Variants in TMIGD2 observed in about 807,000 individuals in gnomAD.
TMIGD2 encodes the protein transmembrane and immunoglobulin domain-containing protein 2.
Under a neutral mutation model 22.6 loss-of-function variants are expected in TMIGD2, and 18 were observed. The ratio of observed to expected loss-of-function variants is 0.80; its 90% CI spans 0.55 to 1.18. The LOEUF (loss-of-function observed/expected upper bound fraction) is 1.18. Ranked by LOEUF, TMIGD2 falls within the 50% of genes most tolerant of loss-of-function variation. The pLI is 0.00. For synonymous variants in TMIGD2, 184 were observed against 154.1 expected, an observed-to-expected ratio of 1.19 and a Z score of -1.44; for missense variants, 361 against 378.2, an observed-to-expected ratio of 0.95 and a Z score of 0.38.
In TMIGD2 at chr19:4,292,643, G is replaced by A; in HGVS notation, c.805C>T (p.Gln269Ter). 1 of 1,612,706 alleles carries A rather than the reference G, an allele frequency of 6.2e-7. No homozygotes were observed. Among genetic ancestry groups the A allele is most frequent in the Non-Finnish European group, 8.5e-7 (1 of 1,179,678 alleles). The change falls in exon 5 of 5, where the codon CAG becomes TAG. Residue 269 changes from glutamine to a stop codon, truncating the protein, a stop_gained. Coordinates refer to ENST00000301272, the Ensembl canonical transcript of TMIGD2. LOFTEE classifies it low-confidence loss of function (END_TRUNC). The stretch of plus-strand genomic sequence containing the variant: ...GGGAACCCTTTTGGCCTCGGCTGCT[G>A]GGTGGGGCTTGGTCTAGGAGAGACC...
exon 2 of TMIGD2, chr19:4,298,037 G>C: frequency 6.2e-7 from 1 of 1,612,442 alleles, no homozygotes; most frequent in Non-Finnish European, 8.5e-7. Context: ...TCCAACTCAG[G>C]AATCTCTACG....
chr19:4,297,589 G>A (rs1299184533), intron 2 of TMIGD2, among the ~76,000 whole-genome samples: 2 of 152,164 alleles, frequency 1.3e-5, no homozygotes, highest in African/African-American at 4.8e-5. Flanking sequence ...GGGCATGGTG[G>A]CTCAGGCCTG....
chr19:4,296,827 G>C (rs147406329), intron 2 of TMIGD2, among the ~76,000 whole-genome samples: 2 of 152,198 alleles, frequency 1.3e-5, no homozygotes, highest in East Asian at 1.9e-4. Flanking sequence ...GGGCCCACAG[G>C]CACCTCTCAC....
At chr19:4,294,709 T>A in intron 3 of TMIGD2, 29 bp from the exon 4 acceptor site, 2 of 1,572,680 alleles carry the variant, frequency 1.3e-6, no homozygotes, top group South Asian at 2.4e-5. Flanking sequence ...GATGGTCTAA[T>A]CAGGAGGGGA....
At chr19:4,300,648 G>T (rs1162465172) in intron 1 of TMIGD2, among the ~76,000 whole-genome samples, 1 of 152,238 alleles carries the variant, frequency 6.6e-6, no homozygotes, top group Non-Finnish European at 1.5e-5. Context: ...ATGCCACTGT[G>T]CTCAGCCTGA....
rs534272734 is a variant in TMIGD2 at position 4,293,033 on chromosome 19, G to A, written c.563-148C>T. On this transcript the variant is annotated intron_variant, in intron 4 of 4. Transcript: ENST00000301272. ...GGCTGGAGTGCAGTGGCGCAATCTC[G>A]GCTCACTGCAAGCTTCGCCTCCTGG... 4.6e-3 allele frequency: 5,624 copies of A among 1,221,436 alleles called. 17 individuals carry two copies. Among genetic ancestry groups the A allele is most frequent in the Middle Eastern group, 6.1e-3 (28 of 4,572 alleles). 75.7% of individuals were successfully genotyped at this position (1,221,436 alleles called of 1,614,324 possible). A position where few individuals can be genotyped will look rare whatever the true frequency, so the allele number is the denominator to read the frequency against.
intron 4 of TMIGD2, among the ~76,000 whole-genome samples, chr19:4,293,502 C>T (rs1318035757): frequency 2.6e-5 from 4 of 151,362 alleles, no homozygotes; most frequent in African/African-American, 4.9e-5. Context: ...CCTCGTGATT[C>T]GCCCGCCGTG....
intron 1 of TMIGD2, among the ~76,000 whole-genome samples, chr19:4,301,545 C>T (rs181882757): frequency 0.01 from 1,599 of 152,330 alleles, 29 homozygotes; most frequent in African/African-American, 0.035. Context: ...TGGCGCGCGC[C>T]TGCAGTCCCA....
intron 3 of TMIGD2, 29 bp downstream of exon 3, chr19:4,294,746 C>T: frequency 6.3e-7 from 1 of 1,578,732 alleles, no homozygotes. Flanking sequence ...GTGGAAGACG[C>T]TGGGGGAGGA....
At chr19:4,292,955 G>A in intron 4 of TMIGD2, 70 bp from the exon 5 acceptor site, 8 of 1,560,364 alleles carry the variant, frequency 5.1e-6, no homozygotes, top group African/African-American at 1.5e-5. Flanking sequence ...ACCTCTGGGG[G>A]ATCTGTCTCT....
intron 2 of TMIGD2, among the ~76,000 whole-genome samples, chr19:4,295,062 A>G (rs1333375521): frequency 6.6e-6 from 1 of 151,350 alleles, no homozygotes; most frequent in Non-Finnish European, 1.5e-5. Flanking sequence ...GGAGTTCGAG[A>G]CCAGCCTGGC....
chr19:4,295,221 A>T (rs1971445659), intron 2 of TMIGD2, among the ~76,000 whole-genome samples: 1 of 146,304 alleles, frequency 6.8e-6, no homozygotes, highest in African/African-American at 2.6e-5. Flanking sequence ...AGATCGTGTC[A>T]CTACGCTCCA....
chr19:4,293,213 G>T (rs568902270), intron 4 of TMIGD2, among the ~76,000 whole-genome samples: 1 of 151,092 alleles, frequency 6.6e-6, no homozygotes, highest in Non-Finnish European at 1.5e-5. Flanking sequence ...CACCCGCCTC[G>T]GCCTCCCAAA....
chr19:4,294,805 G>T lies in TMIGD2; in HGVS notation c.418C>A (p.Gln140Lys), dbSNP rs936772519. 4.4e-6 allele frequency: 7 copies of T among 1,585,500 alleles called. No homozygotes were observed. The African/African-American group carries it at 5.4e-5, about 12-fold the overall frequency. ...AAGCTTGCGATCCGGTTTCTGTTCT[G>T]TGTGGGGTCATCTGCAGAGAAGAAA... Residue 140 changes from glutamine to lysine, a missense_variant, in exon 3 of 5, where the codon CAG (glutamine) becomes AAG (lysine). Gln to Lys is a moderately conservative substitution (Grantham distance 53). Coordinates refer to ENST00000301272, the Ensembl canonical transcript of TMIGD2.
chr19:4,298,580 A>G (rs1439853400), intron 1 of TMIGD2, among the ~76,000 whole-genome samples: 1 of 152,112 alleles, frequency 6.6e-6, no homozygotes, highest in Admixed American at 6.5e-5. Flanking sequence ...TACAATAAAT[A>G]TTTAAAAAGT....
chr19:4,302,374 C>G (rs147605966), exon 1 of TMIGD2: 4 of 1,569,914 alleles, frequency 2.5e-6, no homozygotes, highest in Non-Finnish European at 3.5e-6. Context: ...GCACCATGCC[C>G]GGGGACCCCA....
chr19:4,300,454 G>A (rs948718675), intron 1 of TMIGD2, among the ~76,000 whole-genome samples: 1 of 151,736 alleles, frequency 6.6e-6, no homozygotes, highest in Non-Finnish European at 1.5e-5. Context: ...CTACTCGGGA[G>A]GCTGAGGCGG....
intron 2 of TMIGD2, among the ~76,000 whole-genome samples, chr19:4,295,884 A>G (rs1161066648): frequency 2.0e-5 from 3 of 152,048 alleles, no homozygotes; most frequent in Admixed American, 6.6e-5. Flanking sequence ...AGAACTTACT[A>G]TGTCTCAGGC....
chr19:4,298,234 T>C (rs777095805), exon 2 of TMIGD2: 2 of 1,612,988 alleles, frequency 1.2e-6, no homozygotes, highest in South Asian at 2.2e-5. Flanking sequence ...ACGGAGCCGT[T>C]CCCAGGCTGT....
Sources: allele counts gnomAD v4.1 joint callset (sites outside exome capture counted in the v4.1 genomes callset), GRCh38; gene constraint gnomAD v4.1.1; transcripts MANE v1.5; gene names NCBI Gene and HGNC (gene_info 2026-07-23, HGNC 2026-07-21).